ZNF800: variants seen among roughly 807,000 people sequenced by gnomAD.
ZNF800 encodes the protein zinc finger protein 800.
ZNF800 carries 13 observed loss-of-function variants against 59.5 expected under a neutral mutation model. That is an observed-to-expected ratio of 0.22 (90% CI 0.14 to 0.35). The LOEUF (loss-of-function observed/expected upper bound fraction) is 0.35, where lower values mean the gene tolerates loss of function less well. Ranked by LOEUF, ZNF800 falls within the 10% of genes least tolerant of loss-of-function variation. The pLI, the probability that ZNF800 is intolerant of heterozygous loss-of-function variation, is 1.00. For missense variants in ZNF800, 621 were observed against 783.7 expected (o/e 0.79, Z 2.48); for synonymous variants, 266 against 265.7 (o/e 1.00, Z -0.01).
intron 1 of ZNF800, among the ~76,000 whole-genome samples, chr7:127,355,447 T>C (rs971915890): frequency 2.6e-5 from 4 of 151,944 alleles, no homozygotes; most frequent in Non-Finnish European, 4.4e-5. Flanking sequence ...AACGCAATAA[T>C]AACACAAAGG....
downstream of ZNF800, among the ~76,000 whole-genome samples, chr7:127,367,938 T>C (rs1054094173): frequency 8.5e-5 from 13 of 152,116 alleles, no homozygotes; most frequent in African/African-American, 3.1e-4. Flanking sequence ...TATGGTATGC[T>C]AGGTCCCTTT....
intron 3 of ZNF800, among the ~76,000 whole-genome samples, chr7:127,383,127 G>A (rs1173147356): frequency 6.6e-6 from 1 of 152,190 alleles, no homozygotes. Flanking sequence ...CAAGCAGTCA[G>A]TATAGCACAC....
At chr7:127,372,613 T>C in intron 5 of ZNF800, 3 of 984,678 alleles carry the variant, frequency 3.0e-6, no homozygotes, top group Non-Finnish European at 3.6e-6. Context: ...CCAAAAAGTT[T>C]ATTAAAAAGA....
chr7:127,374,091 A>C lies in ZNF800; in HGVS notation c.1245T>G (p.Ser415=). The change falls in exon 5 of 6, where the codon TCT becomes TCG. Residue 415 remains serine (S), a synonymous_variant. Coordinates refer to ENST00000265827, the MANE Select transcript of ZNF800 (RefSeq NM_176814.5). Reference sequence around the variant, plus strand: ...TAATGGAAGGGGGTGAAGATTCTACAGAATCTGCTGGTTCAACTTTAACTT... The same window carrying C: ...TAATGGAAGGGGGTGAAGATTCTACCGAATCTGCTGGTTCAACTTTAACTT... ...EIKVKVEPAD[S]VESSPPSITH... 6.2e-7 allele frequency: 1 copy of C among 1,614,134 alleles called. No homozygotes were observed.
At chr7:127,360,035 A>G (rs1392203774) in intron 1 of ZNF800, 2 of 152,144 alleles carry the variant, frequency 1.3e-5, no homozygotes, top group Admixed American at 1.3e-4. Context: ...CTGGAACTGG[A>G]AAATCTCAGG....
intron 1 of ZNF800, among the ~76,000 whole-genome samples, chr7:127,350,779 G>A (rs1800154336): frequency 6.6e-6 from 1 of 152,142 alleles, no homozygotes; most frequent in African/African-American, 2.4e-5. Flanking sequence ...GGAAAGCACC[G>A]AGGCACAATG....
chr7:127,391,919 G>C (rs1451664360), intron 1 of ZNF800, 141 bp downstream of exon 1: 8 of 368,612 alleles, frequency 2.2e-5, no homozygotes, highest in Middle Eastern at 7.0e-4. Context: ...CGCAGAGCGC[G>C]GCGGGCACCG....
Position 127,392,275 on chromosome 7 carries a change from C to A in ZNF800, c.-274G>T, listed in dbSNP as rs1281745654. On this transcript the variant is annotated 5_prime_UTR_variant, in exon 1 of 6. Transcript: ENST00000265827. ...ACAGCTCACCACGTCCCTCCGCGGGCCGAGACGACTGCGGCGGCGGCTCAC... is the reference window on the plus strand; with the variant it reads ...ACAGCTCACCACGTCCCTCCGCGGGACGAGACGACTGCGGCGGCGGCTCAC... 5 of 391,784 alleles carry A rather than the reference C, an allele frequency of 1.3e-5. No individual in the cohort carries two copies. Among genetic ancestry groups the A allele is most frequent in the Non-Finnish European group, 2.3e-5 (5 of 221,532 alleles). 24.3% of individuals were successfully genotyped at this position (391,784 alleles called of 1,614,324 possible). A position where few individuals can be genotyped will look rare whatever the true frequency, so the allele number is the denominator to read the frequency against.
intron 2 of ZNF800, 56 bp from the exon 3 acceptor site, chr7:127,386,211 C>A: frequency 2.8e-6 from 3 of 1,069,904 alleles, no homozygotes; most frequent in South Asian, 2.7e-5. Context: ...TTATTTAAAT[C>A]ATTTACTATT....
downstream of ZNF800, among the ~76,000 whole-genome samples, chr7:127,345,293 A>T (rs1310695335): frequency 7.3e-6 from 1 of 136,192 alleles, no homozygotes; most frequent in Non-Finnish European, 1.6e-5. Context: ...TATGGGAAAT[A>T]GACCCCCCCC....
intron 3 of ZNF800, among the ~76,000 whole-genome samples, chr7:127,381,708 G>T (rs17867842): frequency 0.13 from 19,357 of 151,370 alleles, 1,570 homozygotes; most frequent in Middle Eastern, 0.22. Flanking sequence ...ATGAATGTAA[G>T]GAAAACAAAT....
chr7:127,384,138 G>A (rs1801057765), intron 3 of ZNF800, among the ~76,000 whole-genome samples: 1 of 145,362 alleles, frequency 6.9e-6, no homozygotes, highest in South Asian at 2.2e-4. Flanking sequence ...TTTTAATTCT[G>A]TACCCACACA....
chr7:127,374,600 G>T lies in ZNF800; in HGVS notation c.736C>A (p.Arg246Ser). 6 of 1,613,940 alleles carry T rather than the reference G, an allele frequency of 3.7e-6. No individual in the cohort carries two copies. The highest frequency in any genetic ancestry group is 5.1e-6 in the Non-Finnish European group (6 of 1,179,950). Residue 246 changes from arginine (R) to serine (S), a missense_variant, in exon 5 of 6, where the codon CGC becomes AGC. By Grantham distance (110) the Arg-to-Ser change is moderately radical (BLOSUM62 -1). Around this residue, in one of 7 missense-constraint regions of ZNF800, gnomAD observed 218 missense variants for 230.8 expected, o/e 0.94. Coordinates refer to ENST00000265827, the MANE Select transcript of ZNF800 (RefSeq NM_176814.5). ...RKEFNSRRGV[R>S]RHIRKVHKKK... ...TTGTGTACTTTTCGAATGTGACGGCGAACACCTCGTCTAGAATTGAATTCT... is the reference window on the plus strand; with the variant it reads ...TTGTGTACTTTTCGAATGTGACGGCTAACACCTCGTCTAGAATTGAATTCT...
At chr7:127,366,783 T>C (rs1728878817), downstream of ZNF800, among the ~76,000 whole-genome samples, 2 of 152,074 alleles carry the variant, frequency 1.3e-5, no homozygotes, top group Non-Finnish European at 2.9e-5. Context: ...TGATCACAAA[T>C]GACAGGACCA....
At chr7:127,357,472 T>C (rs1482646433) in intron 1 of ZNF800, among the ~76,000 whole-genome samples, 2 of 152,068 alleles carry the variant, frequency 1.3e-5, no homozygotes, top group Non-Finnish European at 2.9e-5. Flanking sequence ...TATCAGGATC[T>C]TATCAGCCAG....
intron 5 of ZNF800, 141 bp from the exon 6 acceptor site, chr7:127,371,955 A>C (rs1191953646): frequency 3.4e-6 from 2 of 588,918 alleles, no homozygotes; most frequent in Non-Finnish European, 6.1e-6. Flanking sequence ...GTGATAATCA[A>C]ACCACAACAT....
rs1445918561 is a variant in ZNF800 at position 127,386,146 on chromosome 7, A to G, written c.71T>C (p.Leu24Pro). The G allele has an allele frequency of 6.2e-7, 1 of 1,610,406 alleles. No homozygotes were observed. Among genetic ancestry groups the G allele is most frequent in the East Asian group, 2.2e-5 (1 of 44,758 alleles). Reference protein sequence around the residue: ...HHGCCEPVYILEPGDPPLLQQ... With the variant: ...HHGCCEPVYIPEPGDPPLLQQ... ...TAACAAAGGAGGATCTCCAGGTTCC[A>G]GGATATAAACTACATGGAAGACAAA... The change falls in exon 3 of 6, where the codon CTG (leucine) becomes CCG (proline). Residue 24 changes from leucine (L) to proline (P), a missense_variant. Coordinates refer to ENST00000265827, the MANE Select transcript of ZNF800 (RefSeq NM_176814.5).
intron 3 of ZNF800, among the ~76,000 whole-genome samples, chr7:127,379,852 A>ACCCCCCCCCCCCCCCCCCC (rs1562907479): frequency 1.2e-4 from 2 of 16,192 alleles, no homozygotes; most frequent in South Asian, 3.1e-3. Flanking sequence ...CCACCCCCCC[A>ACCCCCCCCCCCCCCCCCCC]CCCCCCCCAC....
chr7:127,363,376 T>C (rs1800435136), intron 1 of ZNF800: 1 of 151,896 alleles, frequency 6.6e-6, no homozygotes, highest in African/African-American at 2.4e-5. Context: ...CCTTAATCCA[T>C]ATTTGAAGAC....
Sources: allele counts gnomAD v4.1 joint callset (sites outside exome capture counted in the v4.1 genomes callset), GRCh38; gene constraint gnomAD v4.1.1; regional missense constraint gnomAD v4.1.1; transcripts MANE v1.5; gene names NCBI Gene and HGNC (gene_info 2026-07-23, HGNC 2026-07-21).